Variants in DMXL1 observed in about 807,000 individuals in gnomAD.
DMXL1 encodes the protein dmX-like protein 1.
A neutral mutation model predicts 319.2 loss-of-function variants in DMXL1; 99 were observed. The ratio of observed to expected loss-of-function variants is 0.31; its 90% confidence interval spans 0.26 to 0.37. DMXL1 has a LOEUF of 0.37. Ranked by LOEUF, DMXL1 falls within the 10% of genes least tolerant of loss-of-function variation. DMXL1 has a pLI of 1.00. For missense variants in DMXL1, 3,745 were observed against 3,595.6 expected, an observed-to-expected ratio of 1.04 and a Z score of -1.06; for synonymous variants, 1,385 against 1,235.2, an observed-to-expected ratio of 1.12 and a Z score of -2.54.
chr5:119,172,275 C>A (rs376025896), intron 25 of DMXL1, among the ~76,000 whole-genome samples: 1 of 152,102 alleles, frequency 6.6e-6, no homozygotes, highest in African/African-American at 2.4e-5. Context: ...CCAAAAAGCT[C>A]ATTGTTTTTT....
At chr5:119,132,029 C>T (rs981961995) in intron 10 of DMXL1, among the ~76,000 whole-genome samples, 1 of 152,126 alleles carries the variant, frequency 6.6e-6, no homozygotes, top group Non-Finnish European at 1.5e-5. Context: ...CAGATCTGGG[C>T]ATATTGTACA....
At chr5:119,232,423 T>A (rs1786928776) in intron 38 of DMXL1, among the ~76,000 whole-genome samples, 1 of 151,920 alleles carries the variant, frequency 6.6e-6, no homozygotes, top group African/African-American at 2.4e-5. Flanking sequence ...TATAAATGTA[T>A]TTTTTTTACT....
intron 38 of DMXL1, among the ~76,000 whole-genome samples, chr5:119,231,107 T>C (rs775169019): frequency 4.6e-5 from 7 of 152,208 alleles, no homozygotes; most frequent in African/African-American, 1.7e-4. Context: ...TCCCACTGTT[T>C]GTGAAGCATT....
intron 13 of DMXL1, among the ~76,000 whole-genome samples, chr5:119,137,018 C>T (rs957851339): frequency 6.6e-6 from 1 of 152,236 alleles, no homozygotes. Flanking sequence ...TGACAGTTTG[C>T]ACCATGTGCC....
chr5:119,237,400 C>A lies in DMXL1; in HGVS notation c.8545C>A (p.Pro2849Thr). The A allele has an allele frequency of 1.2e-6, 2 of 1,600,324 alleles. No homozygotes were observed. Among genetic ancestry groups the A allele is most frequent in the Non-Finnish European group, 8.5e-7 (1 of 1,170,574 alleles). ...ATGTTGTCCAGTTACTGGAAGCATG[C>A]CTAAGCCATACCTGGTAAGCCAAGA... is the stretch of plus-strand genomic sequence containing the variant. ...WKCCPVTGSM[P>T]KPYLTWQCHN... The change falls in exon 40 of 44, where the codon CCT (proline) becomes ACT (threonine). Residue 2849 changes from proline (P) to threonine (T), a missense_variant. Coordinates refer to ENST00000539542, the MANE Select transcript of DMXL1 (RefSeq NM_001290321.3).
At chr5:119,097,889 C>T in intron 1 of DMXL1, 90 bp from the exon 2 acceptor site, 1 of 1,157,966 alleles carries the variant, frequency 8.6e-7, no homozygotes, top group Non-Finnish European at 1.2e-6. Context: ...TTTATTCTCC[C>T]TGCCTTAAAA....
At chr5:119,117,986 TTTTC>T (rs1405080178) in intron 7 of DMXL1, among the ~76,000 whole-genome samples, 3 of 152,208 alleles carry the variant, frequency 2.0e-5, no homozygotes, top group South Asian at 2.1e-4. Context: ...TATTGTGACT[TTTTC>T]TTTCTTTCTT....
At chr5:119,075,806 C>CG (rs887447194) in intron 1 of DMXL1, among the ~76,000 whole-genome samples, 27 of 151,718 alleles carry the variant, frequency 1.8e-4, no homozygotes, top group Non-Finnish European at 3.5e-4. Context: ...CTCAAGTGAT[C>CG]CTCCCGCCTT....
rs1277766030 is a variant in DMXL1 at position 119,134,068 on chromosome 5, C to T, written c.2144C>T (p.Pro715Leu). The change falls in exon 12 of 44, where the codon CCA becomes CTA. Residue 715 changes from proline (P) to leucine (L), a missense_variant. By Grantham distance (98) the Pro-to-Leu change is moderately conservative. Around this residue, in one of 4 missense-constraint regions of DMXL1, gnomAD observed 2,096 missense variants for 1,985.4 expected, o/e 1.06. Coordinates refer to ENST00000539542, the MANE Select transcript of DMXL1 (RefSeq NM_001290321.3). Reference protein sequence around the residue: ...LILWRVDPVGPLSFSGGVSEL... With the variant: ...LILWRVDPVGLLSFSGGVSEL... ...CTGTGGAGGGTTGACCCAGTTGGGC[C>T]ATTGTCTTTTTCTGGAGGAGTTTCT... 4 of 1,614,118 alleles carry T rather than the reference C, an allele frequency of 2.5e-6. No individual in the cohort carries two copies. Among genetic ancestry groups the T allele is most frequent in the South Asian group, 1.1e-5 (1 of 91,078 alleles).
intron 4 of DMXL1, among the ~76,000 whole-genome samples, chr5:119,106,029 C>G (rs1758268229): frequency 6.6e-6 from 1 of 151,974 alleles, no homozygotes; most frequent in Non-Finnish European, 1.5e-5. Context: ...TTCTTTTGGT[C>G]AGGAAGACTC....
Position 119,202,935 on chromosome 5 carries a change from T to A in DMXL1, c.7746-384T>A, listed in dbSNP as rs148070342. 1.2e-3 allele frequency among the ~76,000 whole-genome samples: 170 copies of A among 145,650 alleles called. 1 individual carries two copies. The highest frequency in any genetic ancestry group is 4.2e-3 in the African/African-American group (165 of 39,020). On this transcript the variant is annotated intron_variant, in intron 32 of 43. Transcript: ENST00000539542. ...TATATTTTTATATATATATAATTTC[T>A]TACCTTCAGGTTATGCATATAAGAT... is the stretch of plus-strand genomic sequence containing the variant.
chr5:119,119,942 G>T (rs1220190401), intron 8 of DMXL1, among the ~76,000 whole-genome samples: 1 of 151,822 alleles, frequency 6.6e-6, no homozygotes, highest in Non-Finnish European at 1.5e-5. Context: ...GTGTAGTGGG[G>T]CGATACCAGC....
chr5:119,081,329 A>G (rs369099666), intron 1 of DMXL1, among the ~76,000 whole-genome samples: 14 of 152,262 alleles, frequency 9.2e-5, no homozygotes, highest in African/African-American at 2.4e-4. Context: ...TCAGCTTTCT[A>G]TTCACTCCCC....
chr5:119,078,652 A>T (rs1013413179), intron 1 of DMXL1, among the ~76,000 whole-genome samples: 1 of 151,884 alleles, frequency 6.6e-6, no homozygotes, highest in Admixed American at 6.6e-5. Flanking sequence ...GGGTCCCACT[A>T]TGTTGCCCAG....
At chr5:119,108,598 T>G (rs1352670399) in intron 4 of DMXL1, among the ~76,000 whole-genome samples, 1 of 152,094 alleles carries the variant, frequency 6.6e-6, no homozygotes, top group African/African-American at 2.4e-5. Context: ...GTAATTTTTT[T>G]CTGTAGAGGC....
intron 1 of DMXL1, among the ~76,000 whole-genome samples, chr5:119,087,051 A>T (rs901323526): frequency 2.0e-5 from 3 of 151,468 alleles, no homozygotes; most frequent in Non-Finnish European, 2.9e-5. Flanking sequence ...CTTCTATTTA[A>T]TTTGTTACTT....
chr5:119,187,039 C>T lies in DMXL1; in HGVS notation c.7136-2669C>T, dbSNP rs140929866. On this transcript the variant is annotated intron_variant, in intron 28 of 43. Transcript: ENST00000539542. ...TGTATACTTATGTAACAAACCTGCACGTTGTGCACATGTACGATAGAACTT... is the reference window on the plus strand; with the variant it reads ...TGTATACTTATGTAACAAACCTGCATGTTGTGCACATGTACGATAGAACTT... Among the ~76,000 whole-genome samples, 696 of 151,478 alleles carry T rather than the reference C, an allele frequency of 4.6e-3. 9 individuals carry two copies. The highest frequency in any genetic ancestry group is 0.016 in the African/African-American group (654 of 41,194).
rs761899889 is a variant in DMXL1, at chr5:119,150,405, C to G, written c.4578C>G (p.Ser1526Arg). Reference sequence around the variant, plus strand: ...CTACAAGCACTGATATTGGAGAAAGCCGAGACAGAAGCCAAGGTAAAACTA... The same window carrying G: ...CTACAAGCACTGATATTGGAGAAAGGCGAGACAGAAGCCAAGGTAAAACTA... ...IATTSTDIGE[S>R]RDRSQGGETL... The change falls in exon 18 of 44, where the codon AGC (serine) becomes AGG (arginine). Residue 1526 changes from serine to arginine, a missense_variant. Transcript: ENST00000539542. 1 of 1,610,138 alleles carries G rather than the reference C, an allele frequency of 6.2e-7. No individual in the cohort carries two copies. Among genetic ancestry groups the G allele is most frequent in the Non-Finnish European group, 8.5e-7 (1 of 1,178,396 alleles).
chr5:119,101,564 T>A (rs1420041064), intron 2 of DMXL1, among the ~76,000 whole-genome samples: 1 of 152,246 alleles, frequency 6.6e-6, no homozygotes. Flanking sequence ...ACTGACAGAA[T>A]TGTCAATTTA....
Sources: allele counts gnomAD v4.1 joint callset (sites outside exome capture counted in the v4.1 genomes callset), GRCh38; gene constraint gnomAD v4.1.1; regional missense constraint gnomAD v4.1.1; transcripts MANE v1.5; gene names NCBI Gene and HGNC (gene_info 2026-07-23, HGNC 2026-07-21).